XAB2: variants seen among roughly 807,000 people sequenced by gnomAD.
XAB2 encodes the protein XPA binding protein 2.
In XAB2, 57 loss-of-function variants were observed where a neutral mutation model predicts 113.4. That is an observed-to-expected ratio of 0.50 (90% CI 0.41 to 0.63). XAB2 has a LOEUF of 0.63. XAB2 is among the 20% of genes least tolerant of loss of function. The pLI, the probability that XAB2 is intolerant of heterozygous loss-of-function variation, is 0.00. For synonymous variants in XAB2, 497 were observed against 498.8 expected (o/e 1.00, Z 0.05); for missense variants, 1,037 against 1,233.3 (o/e 0.84, Z 2.38).
intron 12 of XAB2, 127 bp from the exon 13 acceptor site, chr19:7,621,424 C>G: frequency 1.0e-6 from 1 of 992,748 alleles, no homozygotes; most frequent in Non-Finnish European, 1.5e-6. Flanking sequence ...CCTGTCCACG[C>G]CTCCCTGTCC....
rs1341255623 is a variant in XAB2 at position 7,620,639 on chromosome 19, A to G, written c.2002T>C (p.Cys668Arg). ...VLSDEHAREM[C>R]LRFADMECKL... ...CACTCCATGTCTGCAAACCGCAGGCACATCTCACGCGCGTGCTCGTCCGAC... is the reference window on the plus strand; with the variant it reads ...CACTCCATGTCTGCAAACCGCAGGCGCATCTCACGCGCGTGCTCGTCCGAC... The change falls in exon 15 of 19, where the codon TGC (cysteine) becomes CGC (arginine). Residue 668 changes from cysteine (C) to arginine (R), a missense_variant. Cys to Arg is a radical substitution (Grantham distance 180). Transcript: ENST00000358368. 6.2e-7 allele frequency: 1 copy of G among 1,613,034 alleles called. No homozygotes were observed. The highest frequency in any genetic ancestry group is 1.7e-5 in the Admixed American group (1 of 60,016).
Position 7,619,661 on chromosome 19 carries a change from G to A in XAB2, c.2507-14C>T, listed in dbSNP as rs190323188. On this transcript the variant is annotated splice_polypyrimidine_tract_variant and intron_variant, in intron 18 of 18. Coordinates refer to ENST00000358368, the MANE Select transcript of XAB2 (RefSeq NM_020196.3). ...CCAGCCGAACCTCTGTGGGGAAGGC[G>A]GGAGCCAGTCACCCTCCTGGCGTTG... 3.4e-4 allele frequency: 539 copies of A among 1,603,172 alleles called. 8 individuals carry two copies. Among genetic ancestry groups the A allele is most frequent in the Middle Eastern group, 2.8e-3 (17 of 5,988 alleles).
chr19:7,627,464 T>C lies in XAB2; in HGVS notation c.325-24A>G, dbSNP rs759968588. 3.1e-6 allele frequency: 5 copies of C among 1,588,500 alleles called. No individual in the cohort carries two copies. Among genetic ancestry groups the C allele is most frequent in the African/African-American group, 1.3e-5 (1 of 74,454 alleles). On this transcript the variant is annotated intron_variant, in intron 3 of 18. Transcript: ENST00000358368. The surrounding 1 kb of genome is among the most constrained non-coding windows in gnomAD (Gnocchi z 4.5). ...ATCTGGGGGTGTGGGGAGAGGCGGC[T>C]GGGGCTAAGCCACGGACTCCATGGC...
Position 7,620,885 on chromosome 19 carries a change from C to A in XAB2, c.1932G>T (p.Gly644=). The change falls in exon 14 of 19, where the codon GGG becomes GGT. Residue 644 remains glycine (G), a synonymous_variant. Transcript: ENST00000358368. ...IYIKRAAEIY[G]VTHTRGIYQK... ...GGTAGATGCCGCGGGTGTGGGTGAC[C>A]CCATAGATCTCGGCCGCCCGCTTGA... The A allele has an allele frequency of 6.2e-7, 1 of 1,601,008 alleles. No homozygotes were observed. The highest frequency in any genetic ancestry group is 8.5e-7 in the Non-Finnish European group (1 of 1,174,142).
Position 7,624,142 on chromosome 19 carries a change from C to T in XAB2, c.967+159G>A, listed in dbSNP as rs976662567. On this transcript the variant is annotated intron_variant, in intron 7 of 18. Transcript: ENST00000358368. This position sits in a 1 kb window ranked among gnomAD's most constrained non-coding sequence, Gnocchi z 4.2. ...GCCTGAGAAGTGTCCCCATTCCTGG[C>T]TCCTTCAAGACCCCCACACCCCCTG... Among the ~76,000 whole-genome samples the T allele has an allele frequency of 1.3e-5, 2 of 151,478 alleles. No homozygotes were observed. The highest frequency in any genetic ancestry group is 2.4e-5 in the African/African-American group (1 of 41,144).
Position 7,624,458 on chromosome 19 carries a change from A to G in XAB2, c.823-13T>C. ...ACACGTCCCGAGCCTGTGGGGACCC[A>G]GGGAAGGGGAGGTGAGAGGAAAGTG... On this transcript the variant is annotated splice_polypyrimidine_tract_variant and intron_variant, in intron 6 of 18. Coordinates refer to ENST00000358368, the MANE Select transcript of XAB2 (RefSeq NM_020196.3). This position sits in a 1 kb window ranked among gnomAD's most constrained non-coding sequence, Gnocchi z 4.2. The G allele has an allele frequency of 6.2e-7, 1 of 1,613,842 alleles. No homozygotes were observed. The highest frequency in any genetic ancestry group is 1.1e-5 in the South Asian group (1 of 91,078).
chr19:7,624,289 C>G lies in XAB2; in HGVS notation c.967+12G>C, dbSNP rs1020297884. 3.7e-6 allele frequency: 6 copies of G among 1,612,498 alleles called. No individual in the cohort carries two copies. The highest frequency in any genetic ancestry group is 1.7e-5 in the Admixed American group (1 of 60,010). On this transcript the variant is annotated intron_variant, in intron 7 of 18. Transcript: ENST00000358368. The surrounding 1 kb of genome is among the most constrained non-coding windows in gnomAD (Gnocchi z 4.2). ...GCTCTCTCCCCACCAGCCGGGGCCC[C>G]CAGAGGCTCACCCTCCTCCTCGCGC...
At position 7,623,701 on chromosome 19, in the gene XAB2, AG is replaced by A; in HGVS notation, c.1119+29del. 1 of 1,552,624 alleles carries A rather than the reference AG, an allele frequency of 6.4e-7. No individual in the cohort carries two copies. The highest frequency in any genetic ancestry group is 2.3e-5 in the East Asian group (1 of 44,192). On this transcript the variant is annotated intron_variant, in intron 8 of 18. Transcript: ENST00000358368. This position sits in a 1 kb window ranked among gnomAD's most constrained non-coding sequence, Gnocchi z 4.6. ...CCAGTTCTGCAGGAAACTGGCCCTC[AG>A]GGGTAGGACTGGGGCAGGCTTCATG...
chr19:7,622,190 G>C (rs1666986327), intron 12 of XAB2, 141 bp downstream of exon 12: 1 of 807,906 alleles, frequency 1.2e-6, no homozygotes, highest in African/African-American at 1.7e-5. Flanking sequence ...TCCAGGACGG[G>C]GAGAAGCTAA....
chr19:7,620,664 C>A lies in XAB2; in HGVS notation c.1977G>T (p.Leu659=). 1 of 1,612,750 alleles carries A rather than the reference C, an allele frequency of 6.2e-7. No individual in the cohort carries two copies. Among genetic ancestry groups the A allele is most frequent in the Non-Finnish European group, 8.5e-7 (1 of 1,179,892 alleles). ...ACATCTCACGCGCGTGCTCGTCCGA[C>A]AGCACCTGGACACCGGGGTTGGGGA... is the stretch of plus-strand genomic sequence containing the variant. ...RGIYQKAIEV[L]SDEHAREMCL... The change falls in exon 15 of 19, where the codon CTG becomes CTT. Residue 659 remains leucine (L), a synonymous_variant. Transcript: ENST00000358368.
At chr19:7,621,067 C>T (rs1229036282) in intron 13 of XAB2, 31 bp from the exon 14 acceptor site, 8 of 1,537,498 alleles carry the variant, frequency 5.2e-6, no homozygotes, top group African/African-American at 2.7e-5. Flanking sequence ...GAGGGGAGCA[C>T]GGTCAGCCGG....
At position 7,620,918 on chromosome 19, in the gene XAB2, G is replaced by A. The variant is rs1396748326; in HGVS notation, c.1899C>T (p.Asn633=). Residue 633 remains asparagine, a synonymous_variant, in exon 14 of 19, where the codon AAC becomes AAT. Coordinates refer to ENST00000358368, the MANE Select transcript of XAB2 (RefSeq NM_020196.3). ...VEPAQQYDMF[N]IYIKRAAEIY... ...TCTCGGCCGCCCGCTTGATGTAGAT[G>A]TTGAACATGTCATACTGCTGGGCGG... The A allele has an allele frequency of 6.2e-7, 1 of 1,603,112 alleles. No individual in the cohort carries two copies. Among genetic ancestry groups the A allele is most frequent in the South Asian group, 1.1e-5 (1 of 88,934 alleles).
intron 12 of XAB2, chr19:7,622,078 G>A (rs903728227): frequency 1.1e-5 from 5 of 441,570 alleles, no homozygotes; most frequent in South Asian, 1.1e-4. Flanking sequence ...ACAAAGAGAA[G>A]GCCACACAAA....
Position 7,623,412 on chromosome 19 carries a change from A to G in XAB2, c.1120-123T>C. The G allele has an allele frequency of 7.5e-7, 1 of 1,325,768 alleles. No homozygotes were observed. The highest frequency in any genetic ancestry group is 1.0e-6 in the Non-Finnish European group (1 of 963,442). 82.1% of individuals were successfully genotyped at this position (1,325,768 alleles called of 1,614,324 possible). On this transcript the variant is annotated intron_variant, in intron 8 of 18. Coordinates refer to ENST00000358368, the MANE Select transcript of XAB2 (RefSeq NM_020196.3). The surrounding 1 kb of genome is among the most constrained non-coding windows in gnomAD (Gnocchi z 4.6). ...TGTGGCCCCTGTCGGGAGAGGCCAG[A>G]AACGAACTATGGCCCTTGACAATGG...
rs573665891 is a variant in XAB2, at chr19:7,622,002, A to G, written c.1617+329T>C. On this transcript the variant is annotated intron_variant, in intron 12 of 18. Transcript: ENST00000358368. ...ATCACTAAGTTAAACTGAGGTCGTTAGGGGCCACCTAATCCATTATGACTG... is the reference window on the plus strand; with the variant it reads ...ATCACTAAGTTAAACTGAGGTCGTTGGGGGCCACCTAATCCATTATGACTG... The G allele has an allele frequency of 2.7e-5, 7 of 254,704 alleles. No individual in the cohort carries two copies. In the South Asian group the frequency reaches 3.1e-4, roughly 11 times the overall value. The allele number at this position is 254,704 out of a possible 1,614,324, so 15.8% of individuals were successfully genotyped here.
chr19:7,624,311 G>A lies in XAB2; in HGVS notation c.957C>T (p.Arg319=), dbSNP rs2031095324. The A allele has an allele frequency of 5.6e-6, 9 of 1,613,500 alleles. No individual in the cohort carries two copies. The highest frequency in any genetic ancestry group is 1.1e-5 in the South Asian group (1 of 91,078). Reference sequence around the variant, plus strand: ...CCCCCAGAGGCTCACCCTCCTCCTCGCGCCCCAGCTCCGAGGCGGTCTCCA... The same window carrying A: ...CCCCCAGAGGCTCACCCTCCTCCTCACGCCCCAGCTCCGAGGCGGTCTCCA... ...AKMETASELG[R]EEEDDVDLEL... is the part of the protein sequence containing the mutation. The change falls in exon 7 of 19, where the codon CGC becomes CGT. Residue 319 remains arginine (R), a synonymous_variant. Coordinates refer to ENST00000358368, the MANE Select transcript of XAB2 (RefSeq NM_020196.3). This position sits in a 1 kb window ranked among gnomAD's most constrained non-coding sequence, Gnocchi z 4.2.
rs897764264 is a variant in XAB2, at chr19:7,620,790, C to A, written c.1971+56G>T. 5.2e-5 allele frequency: 81 copies of A among 1,563,842 alleles called. No homozygotes were observed. In the Admixed American group the frequency reaches 1.4e-3, roughly 27 times the overall value. The stretch of plus-strand genomic sequence containing the variant: ...CCTCAGCCCCTCCCACCTGCCTGGA[C>A]CCCTTCCGTCTGCTCAGGGACCTCT... On this transcript the variant is annotated intron_variant, in intron 14 of 18. Transcript: ENST00000358368.
At position 7,619,954 on chromosome 19, in the gene XAB2, C is replaced by A. The variant is rs1395188081; in HGVS notation, c.2388G>T (p.Leu796=). 2.5e-6 allele frequency: 4 copies of A among 1,611,408 alleles called. No individual in the cohort carries two copies. The East Asian group carries it at 8.9e-5, about 36-fold the overall frequency. Residue 796 remains leucine (L), a synonymous_variant, in exon 17 of 19, where the codon CTG becomes CTT. Transcript: ENST00000358368. ...CAAGGATCCGCCCTCACCTCACGAA[C>A]AGGATCTTGCTCTGGGCGCGCAAGG... ...DQPLRAQSKI[L]FVRSDASREE... is the part of the protein sequence containing the mutation.
rs780844143 is a variant in XAB2 at position 7,624,532 on chromosome 19, C to T, written c.823-87G>A. Reference sequence around the variant, plus strand: ...TCTTAGCACCAGCCTCAATGTGGAACCCCTGGGGGCCTTCTGGGTAGTGAC... The same window carrying T: ...TCTTAGCACCAGCCTCAATGTGGAATCCCTGGGGGCCTTCTGGGTAGTGAC... On this transcript the variant is annotated intron_variant, in intron 6 of 18. Transcript: ENST00000358368. This position sits in a 1 kb window ranked among gnomAD's most constrained non-coding sequence, Gnocchi z 4.2. The T allele has an allele frequency of 1.9e-5, 30 of 1,586,436 alleles. No homozygotes were observed. In the African/African-American group the frequency reaches 3.2e-4, roughly 17 times the overall value.
Sources: allele counts gnomAD v4.1 joint callset (sites outside exome capture counted in the v4.1 genomes callset), GRCh38; gene constraint gnomAD v4.1.1; non-coding constraint Gnocchi (gnomAD v3.1); transcripts MANE v1.5; gene names NCBI Gene and HGNC (gene_info 2026-07-23, HGNC 2026-07-21).